NRXN3: variants seen among roughly 807,000 people sequenced by gnomAD.
NRXN3 encodes the protein neurexin 3, also known as neurexin III.
NRXN3 carries 32 observed loss-of-function variants against 137.6 expected under a neutral mutation model. That is an observed-to-expected ratio of 0.23 (90% CI 0.18 to 0.31). NRXN3 has a LOEUF of 0.31. Ranked by LOEUF, NRXN3 falls within the 10% of genes least tolerant of loss-of-function variation. The probability of loss-of-function intolerance (pLI) is 1.00; values close to 1 mark genes in which losing one functional copy is unlikely to be tolerated. For missense variants in NRXN3, 1,574 were observed against 2,062.5 expected (o/e 0.76, Z 4.59); for synonymous variants, 798 against 784.5 (o/e 1.02, Z -0.29).
intron 14 of NRXN3, among the ~76,000 whole-genome samples, chr14:78,987,239 G>A (rs1253060891): frequency 2.0e-5 from 3 of 152,054 alleles, no homozygotes; most frequent in African/African-American, 4.8e-5. Context: ...GGTCGTCTGA[G>A]AACTACACAT....
At chr14:79,769,443 G>T in intron 19 of NRXN3, among the ~76,000 whole-genome samples, 1 of 152,146 alleles carries the variant, frequency 6.6e-6, no homozygotes. Flanking sequence ...AACTCTACAA[G>T]CCAGAAGAGA....
At chr14:78,845,483 A>G (rs1013810883) in intron 10 of NRXN3, among the ~76,000 whole-genome samples, 1 of 151,946 alleles carries the variant, frequency 6.6e-6, no homozygotes, top group South Asian at 2.1e-4. Context: ...TTGCATTTAT[A>G]TTCTTGTTTA....
intron 10 of NRXN3, among the ~76,000 whole-genome samples, chr14:78,823,101 G>A (rs2098955895): frequency 1.3e-5 from 2 of 152,294 alleles, no homozygotes; most frequent in South Asian, 4.2e-4. Context: ...ATGCATAGAA[G>A]ATGAATTAGG....
At chr14:79,601,248 G>T (rs765447620) in intron 16 of NRXN3, among the ~76,000 whole-genome samples, 4 of 151,826 alleles carry the variant, frequency 2.6e-5, no homozygotes, top group Non-Finnish European at 5.9e-5. Flanking sequence ...TCACCATGTT[G>T]GCCAGAATGG....
At chr14:78,445,227 C>T (rs2094384942) in intron 4 of NRXN3, among the ~76,000 whole-genome samples, 1 of 152,142 alleles carries the variant, frequency 6.6e-6, no homozygotes, top group South Asian at 2.1e-4. Context: ...GAGATGCTTG[C>T]AGCATAGCAC....
At chr14:79,653,323 A>G (rs1460753146) in intron 16 of NRXN3, among the ~76,000 whole-genome samples, 1 of 152,144 alleles carries the variant, frequency 6.6e-6, no homozygotes, top group African/African-American at 2.4e-5. Context: ...CTCTTTTCTC[A>G]TTCCATCTAA....
intron 15 of NRXN3, among the ~76,000 whole-genome samples, chr14:79,271,294 T>C (rs1371358166): frequency 2.0e-5 from 3 of 152,206 alleles, no homozygotes; most frequent in Non-Finnish European, 4.4e-5. Context: ...TATTTGACAT[T>C]TCTGAGTATG....
At chr14:78,636,212 T>A (rs1159208955) in intron 4 of NRXN3, among the ~76,000 whole-genome samples, 1 of 152,172 alleles carries the variant, frequency 6.6e-6, no homozygotes, top group Non-Finnish European at 1.5e-5. Context: ...AGCATGTGGC[T>A]TTTACTGCAG....
Position 78,374,225 on chromosome 14 carries a change from A to G in NRXN3, c.757+76365A>G, listed in dbSNP as rs1023517361. ...TTAGAGAAACAACTTCTGAAGTGCT[A>G]TAGGTTGAGCTAGAAGTGTTTATGT... is the stretch of plus-strand genomic sequence containing the variant. On this transcript the variant is annotated intron_variant, in intron 4 of 20. Transcript: ENST00000335750. Among the ~76,000 whole-genome samples, 15 of 152,348 alleles carry G rather than the reference A, an allele frequency of 9.8e-5. No individual in the cohort carries two copies. In the East Asian group the frequency reaches 2.1e-3, roughly 22 times the overall value.
intron 4 of NRXN3, among the ~76,000 whole-genome samples, chr14:78,415,415 A>T (rs970603878): frequency 2.6e-5 from 4 of 152,156 alleles, no homozygotes. Context: ...GTTATTTCCC[A>T]TGAGTTGAGG....
intron 15 of NRXN3, among the ~76,000 whole-genome samples, chr14:79,278,200 C>T (rs2080604247): frequency 6.6e-6 from 1 of 152,160 alleles, no homozygotes; most frequent in Non-Finnish European, 1.5e-5. Context: ...TCACTCACCT[C>T]CCCTTCCTCC....
In NRXN3 at chr14:79,490,158, C is replaced by T. The variant is rs368093981; in HGVS notation, c.3444+22756C>T. 1.1e-4 allele frequency among the ~76,000 whole-genome samples: 17 copies of T among 151,310 alleles called. No individual in the cohort carries two copies. In the East Asian group the frequency reaches 3.1e-3, roughly 28 times the overall value. ...AAACAGGCTTATACCCAAAGATAGGCAATAACAAATGCTGGTGATAACATG... is the reference window on the plus strand; with the variant it reads ...AAACAGGCTTATACCCAAAGATAGGTAATAACAAATGCTGGTGATAACATG... On this transcript the variant is annotated intron_variant, in intron 16 of 20. Coordinates refer to ENST00000335750, the MANE Select transcript of NRXN3 (RefSeq NM_001330195.2).
At chr14:78,506,231 A>T (rs2095987589) in intron 4 of NRXN3, among the ~76,000 whole-genome samples, 2 of 152,174 alleles carry the variant, frequency 1.3e-5, no homozygotes, top group African/African-American at 4.8e-5. Flanking sequence ...TTGTCCTGTG[A>T]CTGGCTTATT....
rs190817172 is a variant in NRXN3 at position 78,242,634 on chromosome 14, G to A, written c.-460G>A. The A allele has an allele frequency of 2.8e-4, 45 of 160,182 alleles. No individual in the cohort carries two copies. Among genetic ancestry groups the A allele is most frequent in the Middle Eastern group, 6.4e-3 (2 of 312 alleles). 9.9% of individuals were successfully genotyped at this position (160,182 alleles called of 1,614,324 possible). A position where few individuals can be genotyped will look rare whatever the true frequency, so the allele number is the denominator to read the frequency against. On this transcript the variant is annotated 5_prime_UTR_variant, in exon 2 of 21. Coordinates refer to ENST00000335750, the MANE Select transcript of NRXN3 (RefSeq NM_001330195.2). ...CACTCCTCCTCCATCACAGCACCCC[G>A]GCCCTCCCTGTCCCTGGCCTCCCTG...
intron 19 of NRXN3, among the ~76,000 whole-genome samples, chr14:79,700,878 A>G (rs1324284793): frequency 2.0e-5 from 3 of 152,074 alleles, no homozygotes; most frequent in Non-Finnish European, 4.4e-5. Context: ...TTGATCCTAC[A>G]TTGAGAAGGA....
At chr14:78,611,015 C>G (rs915901545) in intron 4 of NRXN3, among the ~76,000 whole-genome samples, 3 of 152,196 alleles carry the variant, frequency 2.0e-5, no homozygotes, top group African/African-American at 7.2e-5. Flanking sequence ...GCCTTCCTCT[C>G]ACTTCCCTCC....
chr14:79,663,696 A>G (rs1299961763), intron 16 of NRXN3, 82 bp from the exon 17 acceptor site: 7 of 1,230,250 alleles, frequency 5.7e-6, no homozygotes, highest in Non-Finnish European at 6.9e-6. Context: ...CTACAGGTTT[A>G]TTGCTGGTTG....
chr14:79,238,995 T>G (rs989978112), intron 15 of NRXN3, among the ~76,000 whole-genome samples: 1 of 152,070 alleles, frequency 6.6e-6, no homozygotes, highest in Non-Finnish European at 1.5e-5. Flanking sequence ...AAGCCCCCAC[T>G]TTTCCATGGG....
At chr14:78,732,215 A>G (rs1413198454) in intron 8 of NRXN3, among the ~76,000 whole-genome samples, 4 of 152,204 alleles carry the variant, frequency 2.6e-5, no homozygotes, top group African/African-American at 4.8e-5. Flanking sequence ...ACTACTGTCC[A>G]CATCCTCTGC....
Sources: gnomAD v4.1 joint callset for allele counts (sites outside exome capture counted in the v4.1 genomes callset) on GRCh38, gnomAD v4.1.1 for gene constraint, MANE v1.5 for transcripts, NCBI Gene and HGNC (gene_info 2026-07-23, HGNC 2026-07-21) for gene names.